The following SIRPA variants were observed in gnomAD, a reference collection of about 807,000 sequenced individuals.
SIRPA encodes the protein signal regulatory protein alpha.
Under a neutral mutation model 50.3 loss-of-function variants are expected in SIRPA, and 9 were observed. That is an observed-to-expected ratio of 0.18 (90% confidence interval 0.11 to 0.31). SIRPA has a LOEUF of 0.31. Among genes scored for constraint, SIRPA ranks in the 10% least tolerant of loss-of-function variants. SIRPA has a pLI of 1.00. For synonymous variants in SIRPA, 265 were observed against 284.1 expected (o/e 0.93, Z 0.68); for missense variants, 474 against 661.6 (o/e 0.72, Z 3.11).
intron 1 of SIRPA, among the ~76,000 whole-genome samples, chr20:1,904,553 G>A (rs1211608515): frequency 6.6e-6 from 1 of 152,228 alleles, no homozygotes; most frequent in Non-Finnish European, 1.5e-5. Context: ...TGAAATGGGG[G>A]TGGCGACAGC....
In SIRPA at chr20:1,924,266, C is replaced by T. The variant is rs1985841919; in HGVS notation, c.1088-498C>T. ...AAGCCTCCATTGTATTTTCAAGAGTCCTGGTTCAGAGCCCCTATGCTAACT... is the reference window on the plus strand; with the variant it reads ...AAGCCTCCATTGTATTTTCAAGAGTTCTGGTTCAGAGCCCCTATGCTAACT... On this transcript the variant is annotated intron_variant, in intron 4 of 7. Transcript: ENST00000358771. The surrounding 1 kb of genome is among the most constrained non-coding windows in gnomAD (Gnocchi z 4.5). 6.6e-6 allele frequency among the ~76,000 whole-genome samples: 1 copy of T among 152,212 alleles called. No individual in the cohort carries two copies. The highest frequency in any genetic ancestry group is 1.5e-5 in the Non-Finnish European group (1 of 68,036).
rs201204818 is a variant in SIRPA at position 1,927,554 on chromosome 20, C to T, written c.1202-321C>T. 6.6e-6 allele frequency among the ~76,000 whole-genome samples: 1 copy of T among 152,186 alleles called. No individual in the cohort carries two copies. Among genetic ancestry groups the T allele is most frequent in the African/African-American group, 2.4e-5 (1 of 41,418 alleles). On this transcript the variant is annotated intron_variant, in intron 5 of 7. Coordinates refer to ENST00000358771, the MANE Select transcript of SIRPA (RefSeq NM_001040023.2). The surrounding 1 kb of genome is among the most constrained non-coding windows in gnomAD (Gnocchi z 6.5). Reference sequence around the variant, plus strand: ...GGGACCTAGGCTTGTTGGAGGGTCTCCGCTGAGGTTTGTGGTTGAATGGAG... The same window carrying T: ...GGGACCTAGGCTTGTTGGAGGGTCTTCGCTGAGGTTTGTGGTTGAATGGAG...
chr20:1,919,306 G>C (rs560703315), intron 2 of SIRPA, among the ~76,000 whole-genome samples: 14 of 152,352 alleles, frequency 9.2e-5, no homozygotes, highest in Non-Finnish European at 1.8e-4. Flanking sequence ...TAATCCAGAA[G>C]ATTCTAATAC....
rs559474710 is a variant in SIRPA, at chr20:1,928,738, G to C, written c.1226+839G>C. 6.6e-6 allele frequency among the ~76,000 whole-genome samples: 1 copy of C among 152,274 alleles called. No individual in the cohort carries two copies. Among genetic ancestry groups the C allele is most frequent in the Admixed American group, 6.5e-5 (1 of 15,292 alleles). ...TGTTGGACAGGAGCATGCTGGGCCA[G>C]AGAGGAGGCCTGTGTGCTGGGCCAG... On this transcript the variant is annotated intron_variant, in intron 6 of 7. Transcript: ENST00000358771. The surrounding 1 kb of genome is among the most constrained non-coding windows in gnomAD (Gnocchi z 4.9).
At chr20:1,914,351 G>C (rs1433966377) in intron 1 of SIRPA, among the ~76,000 whole-genome samples, 1 of 152,184 alleles carries the variant, frequency 6.6e-6, no homozygotes, top group Admixed American at 6.5e-5. Flanking sequence ...TGCTGCATTT[G>C]GACGCTGTCC....
upstream of SIRPA, chr20:1,895,381 T>C (rs1376211047): frequency 3.1e-6 from 3 of 962,512 alleles, no homozygotes; most frequent in Non-Finnish European, 4.2e-6. Context: ...ATTTCCCCGC[T>C]CCAGCCTGCT....
At chr20:1,915,020 AACGT>A in intron 1 of SIRPA, 75 bp from the exon 2 acceptor site, 13 of 1,151,316 alleles carry the variant, frequency 1.1e-5, no homozygotes, top group Non-Finnish European at 1.6e-5. Context: ...CCAGTCAATG[AACGT>A]CATTGATAAA....
intron 1 of SIRPA, among the ~76,000 whole-genome samples, chr20:1,899,534 A>G (rs1400697228): frequency 2.0e-5 from 3 of 152,204 alleles, no homozygotes; most frequent in Non-Finnish European, 4.4e-5. Context: ...CTACAGATCC[A>G]TGCCCTCAGC....
chr20:1,920,394 G>A (rs1286902827), intron 2 of SIRPA, among the ~76,000 whole-genome samples: 3 of 152,182 alleles, frequency 2.0e-5, no homozygotes, highest in African/African-American at 4.8e-5. Flanking sequence ...TGGTGACTGC[G>A]ATAGGAGGTA....
At chr20:1,908,409 C>T (rs1433578354) in intron 1 of SIRPA, among the ~76,000 whole-genome samples, 1 of 152,022 alleles carries the variant, frequency 6.6e-6, no homozygotes, top group African/African-American at 2.4e-5. Context: ...GCCGCTCCTG[C>T]ATCACTCTCC....
At chr20:1,913,877 C>G (rs1176317048) in intron 1 of SIRPA, among the ~76,000 whole-genome samples, 1 of 152,160 alleles carries the variant, frequency 6.6e-6, no homozygotes, top group Non-Finnish European at 1.5e-5. Context: ...GTCTGGGCTC[C>G]CCCCGTGCAC....
chr20:1,917,583 G>GC lies in SIRPA; in HGVS notation c.436+2133dup, dbSNP rs1434639608. On this transcript the variant is annotated intron_variant, in intron 2 of 7. Transcript: ENST00000358771. ...AGTCCTATGGGAGTAGGAGGGACTG[G>GC]CCCCCATCAGAAAGGTCCTGCAGAT... Among the ~76,000 whole-genome samples, 6 of 152,278 alleles carry GC rather than the reference G, an allele frequency of 3.9e-5. No individual in the cohort carries two copies. The East Asian group carries it at 9.7e-4, about 25-fold the overall frequency.
intron 1 of SIRPA, among the ~76,000 whole-genome samples, chr20:1,910,179 A>G (rs1159279450): frequency 1.3e-5 from 2 of 152,170 alleles, no homozygotes; most frequent in African/African-American, 4.8e-5. Flanking sequence ...GGACACAGCC[A>G]TTTCACAGCC....
At chr20:1,895,360 G>T (rs1983725118), upstream of SIRPA, 7 of 764,464 alleles carry the variant, frequency 9.2e-6, no homozygotes, top group African/African-American at 7.4e-5. Context: ...GGAAGGGGGG[G>T]AGCCTTAGTC....
At chr20:1,916,463 G>C (rs1387945782) in intron 2 of SIRPA, among the ~76,000 whole-genome samples, 2 of 152,176 alleles carry the variant, frequency 1.3e-5, no homozygotes, top group South Asian at 2.1e-4. Context: ...AGAAGAGCCT[G>C]GTGCATCATA....
At chr20:1,907,738 G>C (rs529500887) in intron 1 of SIRPA, among the ~76,000 whole-genome samples, 14 of 152,354 alleles carry the variant, frequency 9.2e-5, no homozygotes, top group African/African-American at 2.9e-4. Flanking sequence ...GTCTTACTTG[G>C]CTCTGTTTTC....
chr20:1,937,185 A>G lies in SIRPA; in HGVS notation c.1267-135A>G, dbSNP rs1380620709. 2.8e-6 allele frequency: 3 copies of G among 1,060,634 alleles called. No individual in the cohort carries two copies. The highest frequency in any genetic ancestry group is 3.2e-5 in the African/African-American group (2 of 63,050). 65.7% of individuals were successfully genotyped at this position (1,060,634 alleles called of 1,614,324 possible). ...GTAACGTTGGCAAGAGATGAGGGGA[A>G]CATGACTTATGGCTGAGCCAGTGTG... On this transcript the variant is annotated intron_variant, in intron 7 of 7. Coordinates refer to ENST00000358771, the MANE Select transcript of SIRPA (RefSeq NM_001040023.2). The surrounding 1 kb of genome is among the most constrained non-coding windows in gnomAD (Gnocchi z 8.3).
Position 1,933,765 on chromosome 20 carries a change from G to T in SIRPA, c.1227-950G>T, listed in dbSNP as rs192802832. Reference sequence around the variant, plus strand: ...TATCCATGCTAACATCCCCGGGGTTGCCGGCTTGAGAATTTACACAACTTC... The same window carrying T: ...TATCCATGCTAACATCCCCGGGGTTTCCGGCTTGAGAATTTACACAACTTC... On this transcript the variant is annotated intron_variant, in intron 6 of 7. Coordinates refer to ENST00000358771, the MANE Select transcript of SIRPA (RefSeq NM_001040023.2). The surrounding 1 kb of genome is among the most constrained non-coding windows in gnomAD (Gnocchi z 4.4). Among the ~76,000 whole-genome samples the T allele has an allele frequency of 2.1e-4, 32 of 152,302 alleles. No homozygotes were observed. The highest frequency in any genetic ancestry group is 5.5e-4 in the African/African-American group (23 of 41,550).
chr20:1,931,311 A>G, intron 6 of SIRPA, among the ~76,000 whole-genome samples: 1 of 152,148 alleles, frequency 6.6e-6, no homozygotes, highest in East Asian at 1.9e-4. Flanking sequence ...TGGTTGAGGA[A>G]ATTGAGGCTC....
Sources: allele counts gnomAD v4.1 joint callset (sites outside exome capture counted in the v4.1 genomes callset), GRCh38; gene constraint gnomAD v4.1.1; non-coding constraint Gnocchi (gnomAD v3.1); transcripts MANE v1.5; gene names NCBI Gene and HGNC (gene_info 2026-07-23, HGNC 2026-07-21).